The following ZFR variants were observed in gnomAD, a reference collection of about 807,000 sequenced individuals.
ZFR encodes the protein zinc finger RNA-binding protein.
Under a neutral mutation model 130.7 loss-of-function variants are expected in ZFR, and 19 were observed. The observed-to-expected ratio is 0.15, with a 90% confidence interval of 0.10 to 0.21. ZFR has a LOEUF of 0.21. Among genes scored for constraint, ZFR ranks in the 10% least tolerant of loss-of-function variants. The probability of loss-of-function intolerance (pLI) is 1.00; values close to 1 mark genes in which losing one functional copy is unlikely to be tolerated. For missense variants in ZFR, 872 were observed against 1,321.5 expected, an observed-to-expected ratio of 0.66 and a Z score of 5.27; for synonymous variants, 466 against 456.9, an observed-to-expected ratio of 1.02 and a Z score of -0.25.
chr5:32,388,353 G>A (rs1753083523), intron 13 of ZFR, 116 bp downstream of exon 13: 15 of 980,170 alleles, frequency 1.5e-5, no homozygotes, highest in South Asian at 1.5e-4. Flanking sequence ...ACACAGGCAT[G>A]GTTAAAACAC....
chr5:32,413,201 C>A (rs1307793262), intron 5 of ZFR, among the ~76,000 whole-genome samples: 2 of 143,096 alleles, frequency 1.4e-5, no homozygotes, highest in Non-Finnish European at 3.1e-5. Flanking sequence ...TCAAAAAAAA[C>A]AAAACAAAAC....
intron 11 of ZFR, among the ~76,000 whole-genome samples, chr5:32,390,956 A>T (rs1233428184): frequency 6.6e-6 from 1 of 152,242 alleles, no homozygotes; most frequent in Non-Finnish European, 1.5e-5. Flanking sequence ...GGCTAGAGAT[A>T]ACAGCTGCTG....
Position 32,429,989 on chromosome 5 carries a change from T to C in ZFR, c.138-9886A>G, listed in dbSNP as rs575170763. 8.3e-5 allele frequency among the ~76,000 whole-genome samples: 12 copies of C among 144,906 alleles called. No individual in the cohort carries two copies. The South Asian group carries it at 8.9e-4, about 11-fold the overall frequency. On this transcript the variant is annotated intron_variant, in intron 2 of 19. Coordinates refer to ENST00000265069, the MANE Select transcript of ZFR (RefSeq NM_016107.5). ...AGGAGGACTGCTTGAACCCAGGAGG[T>C]TGAGGCTGCTGTGAGCTACAACTGC...
intron 4 of ZFR, among the ~76,000 whole-genome samples, chr5:32,415,627 T>C (rs1753811014): frequency 6.6e-6 from 1 of 152,170 alleles, no homozygotes; most frequent in African/African-American, 2.4e-5. Flanking sequence ...AACTTCAATG[T>C]TTAATCATAT....
intron 19 of ZFR, 101 bp from the exon 20 acceptor site, chr5:32,356,040 G>A: frequency 1.1e-6 from 1 of 881,134 alleles, no homozygotes; most frequent in Non-Finnish European, 1.6e-6. Context: ...AAAAGCATGT[G>A]TAATGAAAGA....
chr5:32,426,602 A>G (rs966356118), intron 2 of ZFR, among the ~76,000 whole-genome samples: 1 of 152,200 alleles, frequency 6.6e-6, no homozygotes, highest in Non-Finnish European at 1.5e-5. Flanking sequence ...CAGGAAAAAT[A>G]AAAGGCATCC....
At chr5:32,410,460 T>C (rs10472203) in intron 5 of ZFR, among the ~76,000 whole-genome samples, 3 of 150,800 alleles carry the variant, frequency 2.0e-5, no homozygotes, top group Non-Finnish European at 4.4e-5. Flanking sequence ...AATACAAAAA[T>C]AAAAAATTAG....
intron 13 of ZFR, 118 bp from the exon 14 acceptor site, chr5:32,387,817 C>T: frequency 1.0e-6 from 1 of 967,012 alleles, no homozygotes; most frequent in South Asian, 2.6e-5. Context: ...CCATCAACCG[C>T]AGTAGAAAGA....
At chr5:32,443,974 C>A (rs1754534108) in intron 2 of ZFR, among the ~76,000 whole-genome samples, 1 of 151,824 alleles carries the variant, frequency 6.6e-6, no homozygotes. Context: ...GGCCCTGAGG[C>A]CTCCACGTCC....
chr5:32,363,013 A>T (rs73757223), intron 19 of ZFR, among the ~76,000 whole-genome samples: 4 of 152,328 alleles, frequency 2.6e-5, no homozygotes, highest in Admixed American at 1.3e-4. Flanking sequence ...CAGCGAATGC[A>T]TAAGAATTTG....
intron 19 of ZFR, among the ~76,000 whole-genome samples, chr5:32,361,012 T>C (rs1300284033): frequency 6.6e-6 from 1 of 152,206 alleles, no homozygotes; most frequent in Non-Finnish European, 1.5e-5. Flanking sequence ...GATAAGGTTA[T>C]GCTATGTTGC....
At chr5:32,382,462 C>T (rs924777209) in intron 15 of ZFR, among the ~76,000 whole-genome samples, 2 of 152,206 alleles carry the variant, frequency 1.3e-5, no homozygotes, top group Non-Finnish European at 2.9e-5. Flanking sequence ...TGACAATGTG[C>T]AATCTCTAAA....
chr5:32,371,193 G>A (rs568178376), intron 17 of ZFR, among the ~76,000 whole-genome samples: 2 of 152,070 alleles, frequency 1.3e-5, no homozygotes, highest in East Asian at 3.9e-4. Flanking sequence ...AACATAGTGA[G>A]ATCTCATCTC....
Position 32,365,253 on chromosome 5 carries a change from A to C in ZFR, c.2836-978T>G, listed in dbSNP as rs533242153. ...ATCCTTAAGATGATAATGAAAGCTG[A>C]AAAGACATTAGTGAGAATCCATACT... On this transcript the variant is annotated intron_variant, in intron 17 of 19. Transcript: ENST00000265069. Among the ~76,000 whole-genome samples the C allele has an allele frequency of 1.7e-4, 26 of 152,326 alleles. No homozygotes were observed. The South Asian group carries it at 4.1e-3, about 24-fold the overall frequency.
intron 15 of ZFR, 105 bp from the exon 16 acceptor site, chr5:32,380,277 G>C (rs985617147): frequency 1.5e-6 from 1 of 687,812 alleles, no homozygotes. Flanking sequence ...CCATTTGAGA[G>C]CTTGTTGGCA....
chr5:32,401,835 C>T (rs1037093835), intron 8 of ZFR, among the ~76,000 whole-genome samples: 6 of 152,056 alleles, frequency 3.9e-5, no homozygotes, highest in Middle Eastern at 3.4e-3. Context: ...GCAATGGCAA[C>T]GAAGAAGTTT....
At chr5:32,438,891 A>G (rs1049659110) in intron 2 of ZFR, among the ~76,000 whole-genome samples, 7 of 152,236 alleles carry the variant, frequency 4.6e-5, no homozygotes, top group African/African-American at 1.7e-4. Context: ...CCTCAAGGCA[A>G]GTCAGGTGAG....
At chr5:32,365,637 C>A (rs1274115347) in intron 17 of ZFR, among the ~76,000 whole-genome samples, 2 of 150,754 alleles carry the variant, frequency 1.3e-5, no homozygotes, top group African/African-American at 2.4e-5. Flanking sequence ...TGGCTCACTG[C>A]AGCCTCAAGC....
At chr5:32,439,913 G>C (rs1425145932) in intron 2 of ZFR, among the ~76,000 whole-genome samples, 3 of 146,352 alleles carry the variant, frequency 2.0e-5, no homozygotes, top group African/African-American at 7.5e-5. Context: ...TTTTATAAAT[G>C]TATATGCCAC....
Sources: allele counts gnomAD v4.1 joint callset (sites outside exome capture counted in the v4.1 genomes callset), GRCh38; gene constraint gnomAD v4.1.1; transcripts MANE v1.5; gene names NCBI Gene and HGNC (gene_info 2026-07-23, HGNC 2026-07-21).